The following IKZF2 variants were observed in gnomAD, a reference collection of about 807,000 sequenced individuals.
The protein encoded by IKZF2 is IKAROS family zinc finger 2, also known as zinc finger protein Helios.
In IKZF2, 15 loss-of-function variants were observed where a neutral mutation model predicts 49.2. The ratio of observed to expected loss-of-function variants is 0.30; its 90% CI spans 0.20 to 0.47. IKZF2 has a LOEUF of 0.47. Among genes scored for constraint, IKZF2 ranks in the 20% least tolerant of loss-of-function variants. IKZF2 has a pLI of 1.00. For synonymous variants in IKZF2, 227 were observed against 221.4 expected (o/e 1.03, Z -0.23); for missense variants, 567 against 664.6 (o/e 0.85, Z 1.61).
At chr2:213,078,424 C>T (rs1458538071) in intron 4 of IKZF2, among the ~76,000 whole-genome samples, 2 of 152,166 alleles carry the variant, frequency 1.3e-5, no homozygotes, top group African/African-American at 4.8e-5. Flanking sequence ...TAATGTAACT[C>T]ATACTTAAAC....
intron 4 of IKZF2, among the ~76,000 whole-genome samples, chr2:213,079,503 G>A (rs73077239): frequency 0.047 from 6,954 of 149,110 alleles, 299 homozygotes; most frequent in African/African-American, 0.11. Flanking sequence ...GAAAGAGAGA[G>A]AGAGAAGAAA....
At chr2:213,128,768 C>T (rs1041874321) in intron 4 of IKZF2, among the ~76,000 whole-genome samples, 4 of 151,004 alleles carry the variant, frequency 2.6e-5, no homozygotes, top group African/African-American at 9.7e-5. Context: ...GCTGGGATTA[C>T]AGGTGCAGGC....
intron 4 of IKZF2, among the ~76,000 whole-genome samples, chr2:213,115,711 A>G (rs139107162): frequency 2.6e-5 from 4 of 152,352 alleles, no homozygotes; most frequent in Non-Finnish European, 5.9e-5. Context: ...TCCATTTACT[A>G]TCTTGGAACA....
chr2:213,133,045 T>C (rs1358951293), intron 4 of IKZF2, among the ~76,000 whole-genome samples: 1 of 152,252 alleles, frequency 6.6e-6, no homozygotes, highest in Non-Finnish European at 1.5e-5. Context: ...TGCTTTGGAC[T>C]AATTTTTAAA....
intron 6 of IKZF2, among the ~76,000 whole-genome samples, chr2:213,030,254 T>C (rs1698261779): frequency 6.6e-6 from 1 of 152,146 alleles, no homozygotes; most frequent in East Asian, 1.9e-4. Flanking sequence ...TTTAGAAATA[T>C]CCACACCTAC....
intron 6 of IKZF2, among the ~76,000 whole-genome samples, chr2:213,040,892 C>T (rs1457531543): frequency 1.3e-5 from 2 of 152,058 alleles, no homozygotes; most frequent in African/African-American, 4.8e-5. Flanking sequence ...CTGAGGCAGG[C>T]GAATCACCTG....
At chr2:213,124,099 T>A (rs999531029) in intron 4 of IKZF2, among the ~76,000 whole-genome samples, 1 of 152,110 alleles carries the variant, frequency 6.6e-6, no homozygotes, top group Non-Finnish European at 1.5e-5. Flanking sequence ...CTGTCATGCA[T>A]GCTGTCAAGG....
chr2:213,137,529 CT>C (rs1176118850), intron 4 of IKZF2, among the ~76,000 whole-genome samples: 2 of 151,698 alleles, frequency 1.3e-5, no homozygotes, highest in African/African-American at 4.8e-5. Flanking sequence ...AGAAATAGAC[CT>C]TTTACAATCA....
At chr2:213,141,222 A>C (rs549406927) in intron 4 of IKZF2, among the ~76,000 whole-genome samples, 1 of 151,956 alleles carries the variant, frequency 6.6e-6, no homozygotes, top group East Asian at 1.9e-4. Flanking sequence ...TTTTTATCCC[A>C]CTACTGCTAG....
intron 4 of IKZF2, among the ~76,000 whole-genome samples, chr2:213,125,195 G>T (rs905176253): frequency 6.6e-6 from 1 of 152,126 alleles, no homozygotes; most frequent in African/African-American, 2.4e-5. Context: ...TATAACATTT[G>T]AAAATTTCTA....
intron 4 of IKZF2, among the ~76,000 whole-genome samples, chr2:213,133,927 G>A (rs1445573136): frequency 6.6e-6 from 1 of 151,972 alleles, no homozygotes. Context: ...TTTTAAGCAA[G>A]TTAAACATAT....
intron 5 of IKZF2, among the ~76,000 whole-genome samples, chr2:213,055,843 G>A (rs1701099836): frequency 6.6e-6 from 1 of 151,916 alleles, no homozygotes; most frequent in African/African-American, 2.4e-5. Flanking sequence ...AAACTATTTA[G>A]AAATAAAACT....
chr2:213,129,751 C>T (rs1235860595), intron 4 of IKZF2, among the ~76,000 whole-genome samples: 1 of 152,078 alleles, frequency 6.6e-6, no homozygotes, highest in Non-Finnish European at 1.5e-5. Flanking sequence ...ACCGGTTAAA[C>T]TGTTGCAATA....
intron 4 of IKZF2, among the ~76,000 whole-genome samples, chr2:213,115,131 A>G (rs963262673): frequency 6.6e-6 from 1 of 152,220 alleles, no homozygotes; most frequent in Non-Finnish European, 1.5e-5. Context: ...ACATTATAAT[A>G]AAGCATACTG....
At chr2:213,032,636 G>C (rs773834320) in intron 6 of IKZF2, among the ~76,000 whole-genome samples, 1 of 152,082 alleles carries the variant, frequency 6.6e-6, no homozygotes, top group African/African-American at 2.4e-5. Flanking sequence ...CCAGTTACTC[G>C]GGAGGCTGAG....
intron 4 of IKZF2, among the ~76,000 whole-genome samples, chr2:213,145,474 C>T (rs1010122148): frequency 7.2e-5 from 11 of 152,024 alleles, no homozygotes; most frequent in African/African-American, 2.4e-4. Flanking sequence ...ATCTCAGACA[C>T]AAGTGATTTG....
Position 213,001,453 on chromosome 2 carries a change from C to T in IKZF2, c.*5907G>A, listed in dbSNP as rs937107614. On this transcript the variant is annotated 3_prime_UTR_variant, in exon 9 of 9. Coordinates refer to ENST00000434687, the MANE Select transcript of IKZF2 (RefSeq NM_001387220.1). ...AAGCAAACATACTATAATAGGATTA[C>T]ATAATCTCTGAAGTAATGTTTTAGG... 2 of 151,678 alleles carry T rather than the reference C, an allele frequency of 1.3e-5. No homozygotes were observed. Among genetic ancestry groups the T allele is most frequent in the Admixed American group, 6.6e-5 (1 of 15,154 alleles). 9.4% of individuals were successfully genotyped at this position (151,678 alleles called of 1,614,324 possible).
intron 6 of IKZF2, among the ~76,000 whole-genome samples, chr2:213,040,254 T>C (rs924308218): frequency 1.3e-5 from 2 of 151,732 alleles, no homozygotes; most frequent in Non-Finnish European, 2.9e-5. Flanking sequence ...TTTTTTTTTT[T>C]TTTTGGTATA....
At chr2:213,035,456 G>A (rs888777230) in intron 6 of IKZF2, among the ~76,000 whole-genome samples, 8 of 152,146 alleles carry the variant, frequency 5.3e-5, no homozygotes, top group African/African-American at 1.9e-4. Context: ...CACAGATTCT[G>A]ATTCAAGCTT....
Sources: allele counts gnomAD v4.1 joint callset (sites outside exome capture counted in the v4.1 genomes callset), GRCh38; gene constraint gnomAD v4.1.1; transcripts MANE v1.5; gene names NCBI Gene and HGNC (gene_info 2026-07-23, HGNC 2026-07-21).